KCNB2: variants seen among roughly 807,000 people sequenced by gnomAD.
The protein encoded by KCNB2 is potassium voltage-gated channel subfamily B member 2.
A neutral mutation model predicts 61.5 loss-of-function variants in KCNB2; 15 were observed. The ratio of observed to expected loss-of-function variants is 0.24; its 90% confidence interval spans 0.16 to 0.38. KCNB2 has a LOEUF of 0.38. Among genes scored for constraint, KCNB2 ranks in the 10% least tolerant of loss-of-function variants. KCNB2 has a pLI of 1.00. For missense variants in KCNB2, 828 were observed against 1,125.2 expected, an observed-to-expected ratio of 0.74 and a Z score of 3.78; for synonymous variants, 457 against 446.0, an observed-to-expected ratio of 1.02 and a Z score of -0.31.
intron 2 of KCNB2, among the ~76,000 whole-genome samples, chr8:72,644,586 G>A (rs563538754): frequency 2.0e-4 from 30 of 152,236 alleles, no homozygotes; most frequent in Admixed American, 1.4e-3. Context: ...CATAAACATA[G>A]CCTCAGACTA....
chr8:72,823,841 C>G (rs1248647722), intron 2 of KCNB2, among the ~76,000 whole-genome samples: 30 of 152,206 alleles, frequency 2.0e-4, no homozygotes, highest in Non-Finnish European at 8.8e-5. Context: ...CAGACCAAAG[C>G]CCAGGTGTCC....
At chr8:72,658,391 C>G (rs1203532027) in intron 2 of KCNB2, among the ~76,000 whole-genome samples, 3 of 152,236 alleles carry the variant, frequency 2.0e-5, no homozygotes, top group African/African-American at 7.2e-5. Flanking sequence ...TCTATGAAGG[C>G]TGAGAGAGGT....
chr8:72,602,599 C>T (rs1014994554), intron 2 of KCNB2, among the ~76,000 whole-genome samples: 6 of 151,962 alleles, frequency 3.9e-5, no homozygotes, highest in African/African-American at 9.7e-5. Flanking sequence ...TGACTGTTGC[C>T]GAAGCCAAAA....
rs184858960 is a variant in KCNB2 at position 72,598,882 on chromosome 8, A to G, written c.579+30569A>G. ...AGAGAATACAATACCTAGGAATCCA[A>G]CTTACAAGGGATGTGAAAGACCTCT... On this transcript the variant is annotated intron_variant, in intron 2 of 2. Transcript: ENST00000523207. 5.2e-3 allele frequency among the ~76,000 whole-genome samples: 789 copies of G among 152,326 alleles called. 7 individuals carry two copies. The highest frequency in any genetic ancestry group is 0.018 in the African/African-American group (759 of 41,564).
intron 2 of KCNB2, among the ~76,000 whole-genome samples, chr8:72,843,725 T>G (rs1387443750): frequency 6.6e-6 from 1 of 152,210 alleles, no homozygotes; most frequent in Admixed American, 6.5e-5. Context: ...TTTGTTGGTT[T>G]AATGTCTGTT....
At chr8:72,856,149 C>T (rs1257568045) in intron 2 of KCNB2, among the ~76,000 whole-genome samples, 1 of 151,990 alleles carries the variant, frequency 6.6e-6, no homozygotes, top group Non-Finnish European at 1.5e-5. Flanking sequence ...TTTAAATTTA[C>T]TAGTAGCCAT....
intron 2 of KCNB2, among the ~76,000 whole-genome samples, chr8:72,739,718 A>C (rs1206230915): frequency 6.6e-6 from 1 of 152,154 alleles, no homozygotes; most frequent in Admixed American, 6.5e-5. Context: ...ATTCCCTAAA[A>C]CATGCCAAAA....
intron 2 of KCNB2, among the ~76,000 whole-genome samples, chr8:72,869,605 A>G (rs1805585188): frequency 6.6e-6 from 1 of 152,236 alleles, no homozygotes; most frequent in Non-Finnish European, 1.5e-5. Flanking sequence ...AAAGATGCTC[A>G]ACATCACTAA....
intron 2 of KCNB2, among the ~76,000 whole-genome samples, chr8:72,731,324 C>T (rs1807734464): frequency 6.6e-6 from 1 of 152,174 alleles, no homozygotes; most frequent in African/African-American, 2.4e-5. Context: ...ATTAAATACA[C>T]TGAAGACAAA....
intron 2 of KCNB2, among the ~76,000 whole-genome samples, chr8:72,659,164 A>G (rs553563599): frequency 5.3e-5 from 8 of 152,336 alleles, no homozygotes; most frequent in Admixed American, 2.0e-4. Flanking sequence ...TCTTGATGCC[A>G]TTAGGAATAT....
intron 2 of KCNB2, among the ~76,000 whole-genome samples, chr8:72,738,695 TG>T (rs1325053964): frequency 1.3e-5 from 2 of 152,154 alleles, no homozygotes; most frequent in Non-Finnish European, 2.9e-5. Context: ...ACAGTTGGCA[TG>T]TGGTGATTAA....
chr8:72,721,608 T>G (rs775156857), intron 2 of KCNB2, among the ~76,000 whole-genome samples: 19 of 152,210 alleles, frequency 1.2e-4, no homozygotes, highest in Non-Finnish European at 2.1e-4. Flanking sequence ...CATTCATCCC[T>G]GGTGCAGGAC....
At chr8:72,868,770 A>G (rs1409205429) in intron 2 of KCNB2, among the ~76,000 whole-genome samples, 2 of 152,154 alleles carry the variant, frequency 1.3e-5, no homozygotes, top group Non-Finnish European at 2.9e-5. Flanking sequence ...TTGTTCATAA[A>G]AGTAGAAATA....
intron 2 of KCNB2, among the ~76,000 whole-genome samples, chr8:72,793,775 T>G (rs1024932783): frequency 2.6e-5 from 4 of 152,216 alleles, no homozygotes; most frequent in African/African-American, 9.7e-5. Context: ...TTAACCAGTT[T>G]AACAGAAAAT....
intron 2 of KCNB2, among the ~76,000 whole-genome samples, chr8:72,783,701 A>G (rs1245269924): frequency 6.6e-6 from 1 of 152,198 alleles, no homozygotes; most frequent in Admixed American, 6.5e-5. Context: ...CACTAAATGT[A>G]ACCTCCATGG....
chr8:72,556,255 A>G (rs972203579), intron 1 of KCNB2, among the ~76,000 whole-genome samples: 6 of 152,202 alleles, frequency 3.9e-5, no homozygotes, highest in Non-Finnish European at 7.3e-5. Context: ...AGTAAATTTA[A>G]CATCCTAAGA....
intron 2 of KCNB2, among the ~76,000 whole-genome samples, chr8:72,646,679 C>A (rs1205977262): frequency 6.6e-6 from 1 of 152,054 alleles, no homozygotes; most frequent in Non-Finnish European, 1.5e-5. Flanking sequence ...CTTGAGAAGG[C>A]AAATTCATAG....
At chr8:72,912,804 T>C (rs17776426) in intron 2 of KCNB2, among the ~76,000 whole-genome samples, 2,289 of 152,208 alleles carry the variant, frequency 0.015, 41 homozygotes, top group Non-Finnish European at 0.023. Flanking sequence ...CTGTTACCTA[T>C]ACCATCACTC....
rs114667263 is a variant in KCNB2 at position 72,584,027 on chromosome 8, T to G, written c.579+15714T>G. Among the ~76,000 whole-genome samples, 1,208 of 147,480 alleles carry G rather than the reference T, an allele frequency of 8.2e-3. 14 individuals are homozygous for G. Among genetic ancestry groups the G allele is most frequent in the African/African-American group, 0.029 (1,156 of 40,066 alleles). On this transcript the variant is annotated intron_variant, in intron 2 of 2. Coordinates refer to ENST00000523207, the MANE Select transcript of KCNB2 (RefSeq NM_004770.3). Reference sequence around the variant, plus strand: ...TTTTAAAGTTAAACCAGTTTAAGAATGCCAGTGGTGGTAGGTTTGTTTTCA... The same window carrying G: ...TTTTAAAGTTAAACCAGTTTAAGAAGGCCAGTGGTGGTAGGTTTGTTTTCA...
Sources: gnomAD v4.1 joint callset for allele counts (sites outside exome capture counted in the v4.1 genomes callset) on GRCh38, gnomAD v4.1.1 for gene constraint, MANE v1.5 for transcripts, NCBI Gene and HGNC (gene_info 2026-07-23, HGNC 2026-07-21) for gene names.